Variants in WDFY4 observed in about 807,000 individuals in gnomAD.
WDFY4 encodes the protein WD repeat- and FYVE domain-containing protein 4.
WDFY4 carries 169 observed loss-of-function variants against 351.9 expected under a neutral mutation model. The ratio of observed to expected loss-of-function variants is 0.48; its 90% CI spans 0.42 to 0.55. WDFY4 has a LOEUF of 0.55. Ranked by LOEUF, WDFY4 falls within the 20% of genes least tolerant of loss-of-function variation. WDFY4 has a pLI of 0.00. For missense variants in WDFY4, 3,803 were observed against 3,935.6 expected (o/e 0.97, Z 0.90); for synonymous variants, 1,622 against 1,574.6 (o/e 1.03, Z -0.71).
Position 48,729,570 on chromosome 10 carries a change from GTT to G in WDFY4, c.1111_1112del (p.Phe371ProfsTer3). On this transcript the variant is annotated frameshift_variant, in exon 8 of 62. Coordinates refer to ENST00000325239, the MANE Select transcript of WDFY4 (RefSeq NM_001394531.1). LOFTEE classifies it high-confidence loss of function. The stretch of plus-strand genomic sequence containing the variant: ...CTTACCCTCAGCTTGAAGGCTTCAA[GTT>G]CCATCATGAGGCATCTGGTGAGTCT... ...ITYPQLEGFKFHHEASGVTVK... is the reference protein window; with the variant it reads ...ITYPQLEGFKXHHEASGVTVK... The G allele has an allele frequency of 6.4e-7, 1 of 1,551,724 alleles. No homozygotes were observed. The highest frequency in any genetic ancestry group is 2.4e-5 in the East Asian group (1 of 40,926).
intron 40 of WDFY4, among the ~76,000 whole-genome samples, chr10:48,871,473 C>CCCT (rs1564435141): frequency 7.3e-6 from 1 of 137,130 alleles, no homozygotes; most frequent in Admixed American, 7.4e-5. Flanking sequence ...TGGCCCCCCC[C>CCCT]TTTTTTTTTT....
rs2064644233 is a variant in WDFY4, at chr10:48,735,864, T to C, written c.1688-16T>C. On this transcript the variant is annotated splice_polypyrimidine_tract_variant and intron_variant, in intron 10 of 61. Coordinates refer to ENST00000325239, the MANE Select transcript of WDFY4 (RefSeq NM_001394531.1). Reference sequence around the variant, plus strand: ...TCCCCCTTGCCCTAGCCCCATTCTGTCTGTCTGATCCTTAGTTGTCCTGAA... The same window carrying C: ...TCCCCCTTGCCCTAGCCCCATTCTGCCTGTCTGATCCTTAGTTGTCCTGAA... 1 of 1,548,130 alleles carries C rather than the reference T, an allele frequency of 6.5e-7. No individual in the cohort carries two copies. Among genetic ancestry groups the C allele is most frequent in the Non-Finnish European group, 8.7e-7 (1 of 1,144,282 alleles).
At chr10:48,727,198 C>T (rs1348170377) in intron 6 of WDFY4, among the ~76,000 whole-genome samples, 1 of 152,198 alleles carries the variant, frequency 6.6e-6, no homozygotes, top group Non-Finnish European at 1.5e-5. Context: ...CCTAATGGAC[C>T]TGGACTCCCC....
chr10:48,870,782 G>A (rs1267899337), intron 40 of WDFY4, among the ~76,000 whole-genome samples: 1 of 152,140 alleles, frequency 6.6e-6, no homozygotes, highest in Non-Finnish European at 1.5e-5. Flanking sequence ...TGGGCCACCT[G>A]TAACTTGCTA....
At chr10:48,745,487 G>T in intron 12 of WDFY4, 1 of 262,636 alleles carries the variant, frequency 3.8e-6, no homozygotes, top group Non-Finnish European at 7.4e-6. Flanking sequence ...TTTAAAGTCG[G>T]CTTGAAATAT....
chr10:48,835,315 G>T (rs2068348553), intron 39 of WDFY4, among the ~76,000 whole-genome samples: 1 of 152,208 alleles, frequency 6.6e-6, no homozygotes, highest in South Asian at 2.1e-4. Flanking sequence ...GAGAAGGTCA[G>T]CAAAGTCATC....
At chr10:48,874,630 T>A (rs142224413) in intron 41 of WDFY4, among the ~76,000 whole-genome samples, 1 of 152,156 alleles carries the variant, frequency 6.6e-6, no homozygotes, top group Non-Finnish European at 1.5e-5. Context: ...CCTCACTACA[T>A]TTTTTAGGAA....
chr10:48,856,902 G>A (rs765183593), intron 39 of WDFY4, among the ~76,000 whole-genome samples: 2 of 152,066 alleles, frequency 1.3e-5, no homozygotes, highest in Non-Finnish European at 2.9e-5. Flanking sequence ...ACACTGTCAA[G>A]CTCACAGAGG....
chr10:48,767,318 G>A (rs1044014331), intron 13 of WDFY4, among the ~76,000 whole-genome samples: 19 of 152,182 alleles, frequency 1.2e-4, no homozygotes, highest in African/African-American at 4.3e-4. Context: ...TACATCAGAG[G>A]CTGGCTCCCC....
At chr10:48,948,982 A>G (rs1267210014) in intron 51 of WDFY4, among the ~76,000 whole-genome samples, 2 of 152,260 alleles carry the variant, frequency 1.3e-5, no homozygotes, top group African/African-American at 2.4e-5. Flanking sequence ...TCACTGGTTT[A>G]AGCTTATTTT....
intron 39 of WDFY4, among the ~76,000 whole-genome samples, chr10:48,843,579 G>A (rs977922453): frequency 1.4e-4 from 22 of 152,154 alleles, no homozygotes; most frequent in African/African-American, 5.3e-4. Flanking sequence ...AATGTATACT[G>A]TATGTATCAA....
intron 47 of WDFY4, among the ~76,000 whole-genome samples, chr10:48,941,341 G>T (rs1353757947): frequency 6.6e-6 from 1 of 152,196 alleles, no homozygotes; most frequent in Non-Finnish European, 1.5e-5. Context: ...ACATTTTCTG[G>T]AACATACACT....
At chr10:48,917,854 A>G (rs972302563) in intron 47 of WDFY4, among the ~76,000 whole-genome samples, 1 of 152,220 alleles carries the variant, frequency 6.6e-6, no homozygotes, top group African/African-American at 2.4e-5. Flanking sequence ...TCTCTTCTAA[A>G]TACCCTTAAA....
intron 46 of WDFY4, 108 bp from the exon 47 acceptor site, chr10:48,901,693 G>C (rs1837360902): frequency 4.1e-6 from 5 of 1,218,620 alleles, no homozygotes; most frequent in Non-Finnish European, 5.9e-6. Flanking sequence ...ATGGAGCGAG[G>C]GGGAGCAATA....
chr10:48,907,328 T>C (rs1273874079), intron 47 of WDFY4, among the ~76,000 whole-genome samples: 1 of 152,190 alleles, frequency 6.6e-6, no homozygotes, highest in Non-Finnish European at 1.5e-5. Flanking sequence ...CACCATGTCA[T>C]TGAGGCAAAA....
chr10:48,824,081 C>T, intron 35 of WDFY4: 2 of 985,342 alleles, frequency 2.0e-6, no homozygotes, highest in Non-Finnish European at 2.4e-6. Flanking sequence ...GATGTATGGA[C>T]CAGTCCATGC....
intron 12 of WDFY4, among the ~76,000 whole-genome samples, chr10:48,753,454 A>G (rs888314078): frequency 6.6e-6 from 1 of 152,218 alleles, no homozygotes; most frequent in Non-Finnish European, 1.5e-5. Flanking sequence ...ATCCAAGGTC[A>G]TAAAGATTTA....
In WDFY4 at chr10:48,821,110, G is replaced by A. The variant is rs892900086; in HGVS notation, c.5758G>A (p.Glu1920Lys). Residue 1920 changes from glutamate to lysine, a missense_variant, in exon 34 of 62, where the codon GAG (glutamate) becomes AAG (lysine). This residue lies in a region of WDFY4 where 3,054 missense variants were observed against 3,148.6 expected (regional missense o/e 0.97). Coordinates refer to ENST00000325239, the MANE Select transcript of WDFY4 (RefSeq NM_001394531.1). ...CCAACAGAAGCGAGACTTCCAGTCC[G>A]AGGTCCTGCTTTCTGCTATGGAACT... ...TSQQKRDFQS[E>K]VLLSAMELFH... 3.4e-5 allele frequency: 53 copies of A among 1,551,582 alleles called. No individual in the cohort carries two copies. Among genetic ancestry groups the A allele is most frequent in the Non-Finnish European group, 4.4e-5 (50 of 1,146,990 alleles).
intron 47 of WDFY4, among the ~76,000 whole-genome samples, chr10:48,928,758 C>T (rs1839802114): frequency 6.6e-6 from 1 of 152,200 alleles, no homozygotes; most frequent in Non-Finnish European, 1.5e-5. Flanking sequence ...AGCCCTGTGG[C>T]AGCTTTGCTG....
Sources: gnomAD v4.1 joint callset for allele counts (sites outside exome capture counted in the v4.1 genomes callset) on GRCh38, gnomAD v4.1.1 for gene constraint, gnomAD v4.1.1 regional missense constraint, MANE v1.5 for transcripts, NCBI Gene and HGNC (gene_info 2026-07-23, HGNC 2026-07-21) for gene names.